The following SENP7 variants were observed in gnomAD, a reference collection of about 807,000 sequenced individuals.
SENP7 encodes the protein sentrin-specific protease 7.
In SENP7, 64 loss-of-function variants were observed where a neutral mutation model predicts 141.2. That is an observed-to-expected ratio of 0.45 (90% CI 0.37 to 0.56). The LOEUF is 0.56. SENP7 is among the 20% of genes least tolerant of loss of function. The pLI is 0.00. For synonymous variants in SENP7, 382 were observed against 426.4 expected, an observed-to-expected ratio of 0.90 and a Z score of 1.28; for missense variants, 1,025 against 1,212.2, an observed-to-expected ratio of 0.85 and a Z score of 2.29.
At chr3:101,445,701 T>C (rs1277218930) in intron 4 of SENP7, among the ~76,000 whole-genome samples, 1 of 151,940 alleles carries the variant, frequency 6.6e-6, no homozygotes. Flanking sequence ...AATATATATA[T>C]CACACAAATG....
intron 3 of SENP7, among the ~76,000 whole-genome samples, chr3:101,464,570 T>C (rs2063698063): frequency 1.3e-5 from 2 of 152,038 alleles, no homozygotes; most frequent in Admixed American, 1.3e-4. Flanking sequence ...GATGATCTGT[T>C]ACTGTCTCCC....
chr3:101,409,088 G>A (rs568534518), intron 5 of SENP7, among the ~76,000 whole-genome samples: 12 of 152,222 alleles, frequency 7.9e-5, no homozygotes, highest in Admixed American at 1.3e-4. Flanking sequence ...TAAAGTTTCT[G>A]GATACAAGAT....
intron 5 of SENP7, among the ~76,000 whole-genome samples, chr3:101,408,456 C>T (rs1371010633): frequency 1.3e-5 from 2 of 151,996 alleles, no homozygotes; most frequent in Non-Finnish European, 2.9e-5. Flanking sequence ...CACCTTAATA[C>T]CAAAACCAAG....
At chr3:101,488,224 C>A (rs556583706) in intron 3 of SENP7, among the ~76,000 whole-genome samples, 9 of 152,096 alleles carry the variant, frequency 5.9e-5, no homozygotes, top group Non-Finnish European at 1.2e-4. Flanking sequence ...AAGCCTATTG[C>A]AAATGGGATT....
intron 4 of SENP7, among the ~76,000 whole-genome samples, chr3:101,427,643 T>G (rs2107698023): frequency 6.6e-6 from 1 of 152,138 alleles, no homozygotes; most frequent in South Asian, 2.1e-4. Flanking sequence ...AGCACAGAAT[T>G]TCCTTTTTCT....
intron 4 of SENP7, among the ~76,000 whole-genome samples, chr3:101,456,014 G>A (rs760951094): frequency 5.9e-5 from 9 of 152,068 alleles, no homozygotes; most frequent in Non-Finnish European, 1.2e-4. Context: ...AATGACTCAG[G>A]TCCTTTCTAC....
intron 5 of SENP7, chr3:101,414,352 T>A (rs1421193468): frequency 1.3e-6 from 1 of 796,372 alleles, no homozygotes; most frequent in African/African-American, 1.7e-5. Flanking sequence ...CAGCCAGGCC[T>A]CCCTGCAGCA....
intron 3 of SENP7, among the ~76,000 whole-genome samples, chr3:101,479,984 C>A (rs1378139129): frequency 8.2e-6 from 1 of 122,546 alleles, no homozygotes; most frequent in African/African-American, 3.0e-5. Context: ...AAGTAAAAGA[C>A]CTCCATGAGG....
chr3:101,469,342 A>G (rs2107956335), intron 3 of SENP7, among the ~76,000 whole-genome samples: 1 of 152,264 alleles, frequency 6.6e-6, no homozygotes, highest in Non-Finnish European at 1.5e-5. Flanking sequence ...TACACAGATA[A>G]ACGAGACAGA....
chr3:101,463,386 T>TATATATATAC (rs1553744766), intron 3 of SENP7, among the ~76,000 whole-genome samples: 65 of 92,318 alleles, frequency 7.0e-4, no homozygotes, highest in African/African-American at 3.0e-3. Context: ...TATATATATA[T>TATATATATAC]ATATATATAT....
At chr3:101,401,205 G>C (rs955577580) in intron 5 of SENP7, among the ~76,000 whole-genome samples, 2 of 152,094 alleles carry the variant, frequency 1.3e-5, no homozygotes, top group Admixed American at 1.3e-4. Context: ...AGTTGTGAAT[G>C]AGAAAGAATA....
chr3:101,386,859 C>A (rs2060667414), intron 6 of SENP7, among the ~76,000 whole-genome samples: 1 of 152,210 alleles, frequency 6.6e-6, no homozygotes, highest in Non-Finnish European at 1.5e-5. Context: ...GCCTTCCCAG[C>A]TGACATCCCA....
chr3:101,498,202 T>C (rs936079638), intron 2 of SENP7, among the ~76,000 whole-genome samples: 4 of 152,170 alleles, frequency 2.6e-5, no homozygotes, highest in Non-Finnish European at 5.9e-5. Context: ...TGATAGATGC[T>C]AAAATAGTAA....
At chr3:101,408,027 C>T (rs541274194) in intron 5 of SENP7, among the ~76,000 whole-genome samples, 4 of 152,066 alleles carry the variant, frequency 2.6e-5, no homozygotes, top group South Asian at 4.1e-4. Context: ...AATTGATAGA[C>T]CATTAGCAAT....
intron 5 of SENP7, chr3:101,414,401 C>A: frequency 9.5e-7 from 1 of 1,049,812 alleles, no homozygotes; most frequent in Non-Finnish European, 1.5e-6. Flanking sequence ...GTGCTTCTGG[C>A]TCAAGCCCAG....
At chr3:101,341,527 A>T in intron 15 of SENP7, 119 bp downstream of exon 15, 1 of 882,672 alleles carries the variant, frequency 1.1e-6, no homozygotes, top group South Asian at 4.5e-5. Flanking sequence ...TATTTCCATT[A>T]CTATCAGCAT....
intron 5 of SENP7, among the ~76,000 whole-genome samples, chr3:101,410,335 T>C (rs1454323812): frequency 5.9e-5 from 9 of 152,108 alleles, no homozygotes; most frequent in Non-Finnish European, 1.3e-4. Context: ...GGTGGGAATG[T>C]AAACTAGGAC....
intron 4 of SENP7, among the ~76,000 whole-genome samples, chr3:101,418,694 A>T (rs1379027905): frequency 6.6e-6 from 1 of 151,710 alleles, no homozygotes; most frequent in Admixed American, 6.6e-5. Flanking sequence ...AAAAAAAAAA[A>T]CCACTTGTTT....
chr3:101,422,220 T>C (rs947004276), intron 4 of SENP7, among the ~76,000 whole-genome samples: 1 of 152,136 alleles, frequency 6.6e-6, no homozygotes, highest in Non-Finnish European at 1.5e-5. Context: ...AACAGTTTCA[T>C]GCCTAAACCA....
Sources: allele counts gnomAD v4.1 joint callset (sites outside exome capture counted in the v4.1 genomes callset), GRCh38; gene constraint gnomAD v4.1.1; transcripts MANE v1.5; gene names NCBI Gene and HGNC (gene_info 2026-07-23, HGNC 2026-07-21).